The following ILDR2 variants were observed in gnomAD, a reference collection of about 807,000 sequenced individuals.
ILDR2 encodes immunoglobulin-like domain-containing receptor 2.
ILDR2 carries 25 observed loss-of-function variants against 66.8 expected under a neutral mutation model. The observed-to-expected ratio is 0.37, with a 90% CI of 0.27 to 0.52. ILDR2 has a LOEUF of 0.52. ILDR2 is among the 20% of genes least tolerant of loss of function. The probability of loss-of-function intolerance (pLI) is 0.88; values close to 1 mark genes in which losing one functional copy is unlikely to be tolerated. For missense variants in ILDR2, 827 were observed against 876.8 expected (o/e 0.94, Z 0.72); for synonymous variants, 367 against 357.2 (o/e 1.03, Z -0.31).
At position 166,922,690 on chromosome 1, in the gene ILDR2, C is replaced by T. The variant is rs1445712858; in HGVS notation, c.1114G>A (p.Asp372Asn). 1 of 1,614,216 alleles carries T rather than the reference C, an allele frequency of 6.2e-7. No individual in the cohort carries two copies. The highest frequency in any genetic ancestry group is 8.5e-7 in the Non-Finnish European group (1 of 1,180,042). Reference sequence around the variant, plus strand: ...CCTCCCATGACACCTGACCAATAGTCAGGATTGCTCTCCAAGTCCCCAGAC... The same window carrying T: ...CCTCCCATGACACCTGACCAATAGTTAGGATTGCTCTCCAAGTCCCCAGAC... ...PVSGDLESNP[D>N]YWSGVMGGSS... is the part of the protein sequence containing the mutation. The change falls in exon 8 of 10, where the codon GAC (aspartate) becomes AAC (asparagine). Residue 372 changes from aspartate to asparagine, a missense_variant. This residue lies in a region of ILDR2 where 437 missense variants were observed against 523.2 expected (regional missense o/e 0.84). Coordinates refer to ENST00000271417, the MANE Select transcript of ILDR2 (RefSeq NM_199351.3).
intron 7 of ILDR2, among the ~76,000 whole-genome samples, chr1:166,925,547 C>G (rs1256356265): frequency 1.3e-5 from 2 of 152,062 alleles, no homozygotes; most frequent in Non-Finnish European, 2.9e-5. Flanking sequence ...CAGAATGGAG[C>G]CATGGAGCCA....
chr1:166,905,090 T>C (rs554341878), downstream of ILDR2, among the ~76,000 whole-genome samples: 6 of 152,314 alleles, frequency 3.9e-5, 1 homozygote, highest in South Asian at 6.2e-4. Context: ...CCAAAGGGGA[T>C]TGTATTCATA....
At chr1:166,896,333 A>G (rs1323131710) in intron 2 of ILDR2, among the ~76,000 whole-genome samples, 2 of 152,056 alleles carry the variant, frequency 1.3e-5, no homozygotes, top group East Asian at 3.9e-4. Flanking sequence ...GGCAGGAGGT[A>G]TGGGATGGCA....
At chr1:166,903,560 G>C (rs1431967340), downstream of ILDR2, among the ~76,000 whole-genome samples, 1 of 152,172 alleles carries the variant, frequency 6.6e-6, no homozygotes, top group Non-Finnish European at 1.5e-5. Flanking sequence ...TTTAGTCTCT[G>C]GTTAGCTATC....
chr1:166,919,366 G>A lies in ILDR2; in HGVS notation c.1909C>T (p.Leu637Phe), dbSNP rs1571095846. ...KTNDFPTRMS[L>F]VV ...AAATGTTGACAACATCAGACCACAAGGGACATCCTGGTTGGAAAGTCATTC... is the reference window on the plus strand; with the variant it reads ...AAATGTTGACAACATCAGACCACAAAGGACATCCTGGTTGGAAAGTCATTC... Residue 637 changes from leucine to phenylalanine, a missense_variant, in exon 10 of 10, where the codon CTT (leucine) becomes TTT (phenylalanine). Around this residue, in one of 2 missense-constraint regions of ILDR2, gnomAD observed 390 missense variants for 353.6 expected, o/e 1.10. Transcript: ENST00000271417. The A allele has an allele frequency of 1.2e-6, 2 of 1,610,208 alleles. No individual in the cohort carries two copies. The highest frequency in any genetic ancestry group is 1.7e-6 in the Non-Finnish European group (2 of 1,176,870).
chr1:166,939,636 C>A, intron 3 of ILDR2, 66 bp from the exon 4 acceptor site: 1 of 1,431,602 alleles, frequency 7.0e-7, no homozygotes, highest in Non-Finnish European at 9.8e-7. Context: ...AGCCTAAAGC[C>A]TGGCTCCAGT....
chr1:166,896,891 T>C (rs915017925), intron 2 of ILDR2, among the ~76,000 whole-genome samples: 3 of 152,150 alleles, frequency 2.0e-5, no homozygotes, highest in Non-Finnish European at 2.9e-5. Flanking sequence ...CACCTCAGCC[T>C]CCCAAAGTGC....
rs951976103 is a variant in ILDR2, at chr1:166,936,627, G to A, written c.667C>T (p.Pro223Ser). 1 of 1,613,740 alleles carries A rather than the reference G, an allele frequency of 6.2e-7. No homozygotes were observed. The highest frequency in any genetic ancestry group is 8.5e-7 in the Non-Finnish European group (1 of 1,179,818). Residue 223 changes from proline to serine, a missense_variant, in exon 5 of 10, where the codon CCA (proline) becomes TCA (serine). This residue lies in a region of ILDR2 where 437 missense variants were observed against 523.2 expected (regional missense o/e 0.84). Coordinates refer to ENST00000271417, the MANE Select transcript of ILDR2 (RefSeq NM_199351.3). The surrounding 1 kb of genome is among the most constrained non-coding windows in gnomAD (Gnocchi z 5.0). ...PHSCCCYVRCPCCPDSCCCPQ... is the reference protein window; with the variant it reads ...PHSCCCYVRCSCCPDSCCCPQ... ...CAGCAGCAGGAATCTGGGCAGCATGGGCAGCGGACATAGCAGCAGCAGCTG... is the reference window on the plus strand; with the variant it reads ...CAGCAGCAGGAATCTGGGCAGCATGAGCAGCGGACATAGCAGCAGCAGCTG...
chr1:166,950,843 G>A (rs1005696835), intron 3 of ILDR2, among the ~76,000 whole-genome samples: 1 of 151,898 alleles, frequency 6.6e-6, no homozygotes, highest in Non-Finnish European at 1.5e-5. Flanking sequence ...AAAAAAATAG[G>A]AGCGTGACAG....
chr1:166,926,237 G>GCC (rs1660279741), intron 7 of ILDR2, among the ~76,000 whole-genome samples: 1 of 151,966 alleles, frequency 6.6e-6, no homozygotes, highest in Admixed American at 6.6e-5. Flanking sequence ...TTCCACACCC[G>GCC]CCAGCACCCT....
At chr1:166,927,366 G>A (rs531829499) in intron 6 of ILDR2, among the ~76,000 whole-genome samples, 186 bp from the exon 7 acceptor site, 19 of 152,212 alleles carry the variant, frequency 1.2e-4, no homozygotes, top group East Asian at 1.2e-3. Context: ...ATCAGATGGC[G>A]CCACTGGAAT....
intron 3 of ILDR2, among the ~76,000 whole-genome samples, chr1:166,954,948 G>C (rs1662185333): frequency 6.6e-6 from 1 of 152,142 alleles, no homozygotes; most frequent in African/African-American, 2.4e-5. Flanking sequence ...TCCTGCACAG[G>C]CAACTACTTC....
At chr1:166,974,821 G>C (rs1663496944) in intron 1 of ILDR2, among the ~76,000 whole-genome samples, 1 of 152,136 alleles carries the variant, frequency 6.6e-6, no homozygotes, top group South Asian at 2.1e-4. Flanking sequence ...TAATTAATCA[G>C]CTCCCTCTGA....
chr1:166,962,805 TAAG>T (rs1253319173), intron 1 of ILDR2, among the ~76,000 whole-genome samples: 15 of 152,312 alleles, frequency 9.8e-5, no homozygotes, highest in African/African-American at 3.6e-4. Flanking sequence ...TACAGGCTAA[TAAG>T]AATATGTAAC....
intron 7 of ILDR2, among the ~76,000 whole-genome samples, chr1:166,925,078 A>G (rs1660196890): frequency 6.6e-6 from 1 of 152,120 alleles, no homozygotes; most frequent in African/African-American, 2.4e-5. Flanking sequence ...CCTATACTAG[A>G]ACTTCCCAGA....
chr1:166,936,667 G>A lies in ILDR2; in HGVS notation c.627C>T (p.Cys209=). 6.2e-7 allele frequency: 1 copy of A among 1,614,066 alleles called. No individual in the cohort carries two copies. The highest frequency in any genetic ancestry group is 8.5e-7 in the Non-Finnish European group (1 of 1,179,948). ...AGCAGCAGCTGTGAGGGCAGCACTGGCACCAGCAGATCCCCACCAGGACGA... is the reference window on the plus strand; with the variant it reads ...AGCAGCAGCTGTGAGGGCAGCACTGACACCAGCAGATCCCCACCAGGACGA... ...LFFVLVGICW[C]QCCPHSCCCY... Residue 209 remains cysteine, a synonymous_variant, in exon 5 of 10, where the codon TGC becomes TGT. Transcript: ENST00000271417. The surrounding 1 kb of genome is among the most constrained non-coding windows in gnomAD (Gnocchi z 5.0).
chr1:166,939,625 T>C, intron 3 of ILDR2, 55 bp from the exon 4 acceptor site: 3 of 1,513,826 alleles, frequency 2.0e-6, no homozygotes, highest in South Asian at 2.3e-5. Context: ...AGGGAAAACA[T>C]AGCCTAAAGC....
Position 166,920,758 on chromosome 1 carries a change from G to A in ILDR2, c.1833C>T (p.Pro611=). The A allele has an allele frequency of 2.0e-6, 3 of 1,490,224 alleles. No individual in the cohort carries two copies. Among genetic ancestry groups the A allele is most frequent in the Non-Finnish European group, 2.7e-6 (3 of 1,120,072 alleles). The allele number at this position is 1,490,224 out of a possible 1,614,324, so 92.3% of individuals were successfully genotyped here. A position where few individuals can be genotyped will look rare whatever the true frequency, so the allele number is the denominator to read the frequency against. ...TCTTCTTCTCCGAGTTGCTGTGGTA[G>A]GGCAGGTCGCGGCCGCGGTAGGACG... ...RGPSYRGRDL[P]YHSNSEKKRK... The change falls in exon 9 of 10, where the codon CCC becomes CCT. Residue 611 remains proline, a synonymous_variant. Transcript: ENST00000271417.
downstream of ILDR2, among the ~76,000 whole-genome samples, chr1:166,906,851 A>C (rs1659359753): frequency 6.6e-6 from 1 of 152,208 alleles, no homozygotes; most frequent in South Asian, 2.1e-4. Context: ...ATGTACCCTC[A>C]GGCTCACCCT....
Sources: allele counts gnomAD v4.1 joint callset (sites outside exome capture counted in the v4.1 genomes callset), GRCh38; gene constraint gnomAD v4.1.1; regional missense constraint gnomAD v4.1.1; non-coding constraint Gnocchi (gnomAD v3.1); transcripts MANE v1.5; gene names NCBI Gene and HGNC (gene_info 2026-07-23, HGNC 2026-07-21).